Variants in MACF1 observed in about 807,000 individuals in gnomAD.
MACF1 encodes the protein microtubule actin crosslinking factor 1, also known as microtubule-actin cross-linking factor 1.
A neutral mutation model predicts 854.8 loss-of-function variants in MACF1; 193 were observed. The observed-to-expected ratio is 0.23, with a 90% CI of 0.20 to 0.25. MACF1 has a LOEUF of 0.25. MACF1 is among the 10% of genes least tolerant of loss of function. MACF1 has a pLI of 1.00. For synonymous variants in MACF1, 3,185 were observed against 3,226.7 expected (o/e 0.99, Z 0.44); for missense variants, 7,722 against 8,929.1 (o/e 0.86, Z 5.45).
chr1:39,242,251 G>A (rs1644932838), intron 2 of MACF1, among the ~76,000 whole-genome samples: 1 of 151,876 alleles, frequency 6.6e-6, no homozygotes, highest in South Asian at 2.1e-4. Flanking sequence ...TCGGGAGGCT[G>A]AGGCAGGAGA....
chr1:39,468,854 T>A (rs923728674), intron 96 of MACF1, 122 bp downstream of exon 96: 1 of 872,260 alleles, frequency 1.1e-6, no homozygotes, highest in South Asian at 1.6e-5. Context: ...GCTGCCCAGG[T>A]GTCATCCCAC....
chr1:39,264,916 C>T (rs1255925152), intron 6 of MACF1, among the ~76,000 whole-genome samples: 2 of 151,792 alleles, frequency 1.3e-5, no homozygotes, highest in Non-Finnish European at 2.9e-5. Flanking sequence ...CCTCATGATC[C>T]ACCCGCCTCG....
rs771710935 is a variant in MACF1, at chr1:39,335,528, G to A, written c.8940G>A (p.Val2980=). The change falls in exon 37 of 101, where the codon GTG becomes GTA. Residue 2980 remains valine (V), a synonymous_variant. Transcript: ENST00000564288. ...RVKSKREKRE[V]IVEESIRTCK... Reference sequence around the variant, plus strand: ...AAAGTAAGAGAGAGAAGAGGGAGGTGATTGTAGAAGAAAGTATCAGAACAT... The same window carrying A: ...AAAGTAAGAGAGAGAAGAGGGAGGTAATTGTAGAAGAAAGTATCAGAACAT... The A allele has an allele frequency of 1.9e-6, 3 of 1,613,986 alleles. No homozygotes were observed. The highest frequency in any genetic ancestry group is 2.5e-6 in the Non-Finnish European group (3 of 1,179,996).
intron 38 of MACF1, among the ~76,000 whole-genome samples, 179 bp downstream of exon 38, chr1:39,337,510 A>G (rs375109497): frequency 9.2e-5 from 14 of 151,900 alleles, no homozygotes; most frequent in East Asian, 7.8e-4. Context: ...TAAAATTTAT[A>G]CAGGATAAAC....
chr1:39,380,495 A>G, intron 55 of MACF1, 122 bp downstream of exon 55: 1 of 1,010,008 alleles, frequency 9.9e-7, no homozygotes, highest in Non-Finnish European at 1.4e-6. Flanking sequence ...ATAAGCAATT[A>G]GGATCCAGAT....
intron 22 of MACF1, among the ~76,000 whole-genome samples, chr1:39,301,490 A>G (rs949862865): frequency 6.6e-6 from 1 of 151,374 alleles, no homozygotes; most frequent in African/African-American, 2.4e-5. Context: ...CAGTGGCGCC[A>G]TCTCAGCTCA....
intron 2 of MACF1, among the ~76,000 whole-genome samples, chr1:39,235,335 C>T (rs1644847739): frequency 6.6e-6 from 1 of 152,256 alleles, no homozygotes; most frequent in South Asian, 2.1e-4. Flanking sequence ...GAAACCCCGT[C>T]TCCACCAAAA....
At position 39,437,830 on chromosome 1, in the gene MACF1, CCTG is replaced by C; in HGVS notation, c.18044_18046del (p.Leu6015del). ...AGACACTGGAGAATCTTTCCTCTCG[CCTG>C]CGTATGCCACCACTGATCCCTGCTG... On this transcript the variant is annotated inframe_deletion, in exon 71 of 101. Coordinates refer to ENST00000564288, the MANE Select transcript of MACF1 (RefSeq NM_001394062.1). 6.2e-7 allele frequency: 1 copy of C among 1,614,124 alleles called. No homozygotes were observed. Among genetic ancestry groups the C allele is most frequent in the South Asian group, 1.1e-5 (1 of 91,086 alleles).
At chr1:39,119,154 A>G (rs1278424799) in intron 2 of MACF1, among the ~76,000 whole-genome samples, 1 of 152,104 alleles carries the variant, frequency 6.6e-6, no homozygotes, top group Non-Finnish European at 1.5e-5. Flanking sequence ...CCCCGTCTGT[A>G]CTAAAAATAC....
chr1:39,144,166 C>T (rs1198587226), intron 2 of MACF1, among the ~76,000 whole-genome samples: 1 of 150,722 alleles, frequency 6.6e-6, no homozygotes, highest in South Asian at 2.1e-4. Context: ...CTGCAACTTC[C>T]GCCTCCCAGG....
At chr1:39,121,370 G>A (rs1413912426) in intron 2 of MACF1, among the ~76,000 whole-genome samples, 1 of 152,146 alleles carries the variant, frequency 6.6e-6, no homozygotes, top group Non-Finnish European at 1.5e-5. Context: ...TATGAAAAGG[G>A]GTGGGGGAAG....
In MACF1 at chr1:39,361,503, G is replaced by C. The variant is rs138428016; in HGVS notation, c.12597G>C (p.Gln4199His). The C allele has an allele frequency of 1.9e-6, 3 of 1,614,200 alleles. No individual in the cohort carries two copies. Among genetic ancestry groups the C allele is most frequent in the Non-Finnish European group, 2.5e-6 (3 of 1,180,050 alleles). ...CAGAGGTGAGCCAGCGGTTCGAACAGCTCTGTCTACAGCAGCAAGAAAAGG... is the reference window on the plus strand; with the variant it reads ...CAGAGGTGAGCCAGCGGTTCGAACACCTCTGTCTACAGCAGCAAGAAAAGG... ...KLAEVSQRFE[Q>H]LCLQQQEKES... Residue 4199 changes from glutamine to histidine, a missense_variant, in exon 49 of 101, where the codon CAG becomes CAC. Around this residue, in one of 15 missense-constraint regions of MACF1, gnomAD observed 2,807 missense variants for 3,235.8 expected, o/e 0.87. Transcript: ENST00000564288.
rs1399990361 is a variant in MACF1, at chr1:39,452,328, G to A, written c.20591G>A (p.Arg6864Gln). 4 of 1,613,892 alleles carry A rather than the reference G, an allele frequency of 2.5e-6. No individual in the cohort carries two copies. In the South Asian group the frequency reaches 3.3e-5, roughly 13 times the overall value. Residue 6864 changes from arginine (R) to glutamine (Q), a missense_variant, in exon 86 of 101, where the codon CGG becomes CAG. Arg to Gln is a conservative substitution (Grantham distance 43). Transcript: ENST00000564288. ...AAACTCTCTGTTTCCAAACAAAGCCGGCTTGAGCAGGCCTTAAAACAAGTA... is the reference window on the plus strand; with the variant it reads ...AAACTCTCTGTTTCCAAACAAAGCCAGCTTGAGCAGGCCTTAAAACAAGTA... ...VCKLSVSKQS[R>Q]LEQALKQAEV...
intron 1 of MACF1, among the ~76,000 whole-genome samples, chr1:39,216,084 T>G (rs1029312277): frequency 1.3e-5 from 2 of 152,136 alleles, no homozygotes; most frequent in African/African-American, 2.4e-5. Flanking sequence ...TTTCCTTGGT[T>G]TCAAAATTGT....
intron 58 of MACF1, chr1:39,414,488 A>G (rs989579498): frequency 6.2e-7 from 1 of 1,613,976 alleles, no homozygotes; most frequent in Non-Finnish European, 8.5e-7. Flanking sequence ...GTAATTGTCC[A>G]TTTTGATTCT....
intron 40 of MACF1, among the ~76,000 whole-genome samples, chr1:39,344,780 A>C (rs1302812838): frequency 6.6e-6 from 1 of 152,188 alleles, no homozygotes; most frequent in Non-Finnish European, 1.5e-5. Flanking sequence ...CTTAGTGCGC[A>C]TGCTTGAGCC....
chr1:39,170,148 A>G (rs553505634), intron 2 of MACF1, among the ~76,000 whole-genome samples: 3 of 152,148 alleles, frequency 2.0e-5, no homozygotes, highest in Admixed American at 6.5e-5. Flanking sequence ...AAATCTGTCT[A>G]TTCCTTCAAG....
At chr1:39,424,315 A>G (rs1446823329) in intron 61 of MACF1, 121 bp downstream of exon 61, 3 of 730,812 alleles carry the variant, frequency 4.1e-6, no homozygotes, top group East Asian at 2.8e-5. Context: ...AATGGCTTTT[A>G]TTTGAAATGG....
At chr1:39,476,431 G>C (rs55855120) in intron 97 of MACF1, among the ~76,000 whole-genome samples, 1 of 152,008 alleles carries the variant, frequency 6.6e-6, no homozygotes. Flanking sequence ...TTAGCCAAGC[G>C]TGGTGGCCAC....
Sources: allele counts gnomAD v4.1 joint callset (sites outside exome capture counted in the v4.1 genomes callset), GRCh38; gene constraint gnomAD v4.1.1; regional missense constraint gnomAD v4.1.1; transcripts MANE v1.5; gene names NCBI Gene and HGNC (gene_info 2026-07-23, HGNC 2026-07-21).